The following GPR158 variants were observed in gnomAD, a reference collection of about 807,000 sequenced individuals.
GPR158 encodes metabotropic glycine receptor.
GPR158 carries 30 observed loss-of-function variants against 78.2 expected under a neutral mutation model. That is an observed-to-expected ratio of 0.38 (90% CI 0.29 to 0.52). GPR158 has a LOEUF of 0.52. GPR158 is among the 20% of genes least tolerant of loss of function. The pLI, the probability that GPR158 is intolerant of heterozygous loss-of-function variation, is 0.83. For synonymous variants in GPR158, 581 were observed against 591.1 expected (o/e 0.98, Z 0.25); for missense variants, 1,463 against 1,523.5 (o/e 0.96, Z 0.66).
intron 8 of GPR158, among the ~76,000 whole-genome samples, 190 bp downstream of exon 8, chr10:25,589,335 G>A (rs751077192): frequency 3.3e-5 from 5 of 152,032 alleles, no homozygotes; most frequent in African/African-American, 9.7e-5. Flanking sequence ...TAGTTCCTTC[G>A]GCTGTGTTGT....
intron 2 of GPR158, among the ~76,000 whole-genome samples, chr10:25,356,293 C>T (rs1855550539): frequency 6.6e-6 from 1 of 152,022 alleles, no homozygotes; most frequent in Non-Finnish European, 1.5e-5. Flanking sequence ...CTGATAATAA[C>T]CTCAGTGCTG....
At chr10:25,498,328 T>A (rs1835910347) in intron 5 of GPR158, among the ~76,000 whole-genome samples, 1 of 152,206 alleles carries the variant, frequency 6.6e-6, no homozygotes, top group African/African-American at 2.4e-5. Flanking sequence ...ATGTTGAGAA[T>A]TTTAAGGGAA....
At chr10:25,267,652 A>T (rs1854060480) in intron 2 of GPR158, among the ~76,000 whole-genome samples, 1 of 152,178 alleles carries the variant, frequency 6.6e-6, no homozygotes. Flanking sequence ...GCTTCACCAT[A>T]ATCTCACTAC....
chr10:25,304,157 C>A lies in GPR158; in HGVS notation c.1008+83000C>A, dbSNP rs188442926. The stretch of plus-strand genomic sequence containing the variant: ...TTGTTTTTGTTTTTTGTTTTTTTTT[C>A]GCCCAAAAGCTACTGTGTGGCAGAC... On this transcript the variant is annotated intron_variant, in intron 2 of 10. Transcript: ENST00000376351. Among the ~76,000 whole-genome samples the A allele has an allele frequency of 5.7e-3, 836 of 145,510 alleles. 11 individuals are homozygous for A. Among genetic ancestry groups the A allele is most frequent in the African/African-American group, 0.02 (774 of 38,662 alleles).
intron 2 of GPR158, among the ~76,000 whole-genome samples, chr10:25,226,061 G>C (rs1853368191): frequency 6.6e-6 from 1 of 151,908 alleles, no homozygotes; most frequent in Non-Finnish European, 1.5e-5. Flanking sequence ...CTATGTGTCA[G>C]TTCCATCTTG....
rs908101213 is a variant in GPR158 at position 25,468,329 on chromosome 10, A to C, written c.1404+1610A>C. Among the ~76,000 whole-genome samples the C allele has an allele frequency of 1.8e-4, 28 of 152,080 alleles. 1 individual carries two copies. The highest frequency in any genetic ancestry group is 1.6e-3 in the Admixed American group (24 of 15,268). On this transcript the variant is annotated intron_variant, in intron 5 of 10. Coordinates refer to ENST00000376351, the MANE Select transcript of GPR158 (RefSeq NM_020752.3). ...CTGGCTATCTGCCTACTCTAACGCA[A>C]ATTCTTTACAGGTATTTAAATCCTG...
At position 25,348,523 on chromosome 10, in the gene GPR158, C is replaced by A. The variant is rs139773985; in HGVS notation, c.1009-47388C>A. On this transcript the variant is annotated intron_variant, in intron 2 of 10. Coordinates refer to ENST00000376351, the MANE Select transcript of GPR158 (RefSeq NM_020752.3). ...TAATATTAATAGCACTAAGAAGCTA[C>A]AAATAGTACACTGGTGTCAAAAGTT... 6.4e-3 allele frequency among the ~76,000 whole-genome samples: 965 copies of A among 151,682 alleles called. 9 individuals carry two copies. Among genetic ancestry groups the A allele is most frequent in the African/African-American group, 0.022 (918 of 41,398 alleles).
intron 2 of GPR158, among the ~76,000 whole-genome samples, chr10:25,315,619 A>G (rs1854835822): frequency 7.1e-6 from 1 of 140,732 alleles, no homozygotes; most frequent in African/African-American, 3.2e-5. Context: ...TCTGTAATTT[A>G]TATTGTTATA....
chr10:25,453,341 A>G (rs945739908), intron 4 of GPR158, among the ~76,000 whole-genome samples: 8 of 152,114 alleles, frequency 5.3e-5, no homozygotes, highest in African/African-American at 1.9e-4. Context: ...CATTCATCCC[A>G]CCAGTATGCA....
intron 5 of GPR158, among the ~76,000 whole-genome samples, chr10:25,534,608 G>T (rs1232119357): frequency 6.8e-6 from 1 of 148,000 alleles, no homozygotes; most frequent in Admixed American, 6.7e-5. Flanking sequence ...AAAAAAATTA[G>T]CTGGGTGTGG....
intron 4 of GPR158, among the ~76,000 whole-genome samples, chr10:25,433,576 C>CGT (rs1454432298): frequency 1.7e-5 from 2 of 116,108 alleles, no homozygotes; most frequent in Middle Eastern, 4.5e-3. Flanking sequence ...TGTGTGCGCG[C>CGT]GCGCGTGCGC....
chr10:25,252,046 C>T (rs905961309), intron 2 of GPR158, among the ~76,000 whole-genome samples: 11 of 151,684 alleles, frequency 7.3e-5, no homozygotes, highest in African/African-American at 1.2e-4. Flanking sequence ...CTTCCCTTCT[C>T]GCTTCATTTC....
chr10:25,316,856 T>C (rs1854858350), intron 2 of GPR158, among the ~76,000 whole-genome samples: 1 of 151,674 alleles, frequency 6.6e-6, no homozygotes, highest in Non-Finnish European at 1.5e-5. Context: ...TAACATTCTT[T>C]TGGTATATAT....
At chr10:25,333,004 G>A (rs1437096705) in intron 2 of GPR158, among the ~76,000 whole-genome samples, 1 of 152,052 alleles carries the variant, frequency 6.6e-6, no homozygotes, top group Non-Finnish European at 1.5e-5. Flanking sequence ...AGGATGAGCT[G>A]GGCATTTGGG....
Position 25,176,343 on chromosome 10 carries a change from G to T in GPR158, c.902+21G>T, listed in dbSNP as rs1852533147. On this transcript the variant is annotated intron_variant, in intron 1 of 10. Coordinates refer to ENST00000376351, the MANE Select transcript of GPR158 (RefSeq NM_020752.3). The surrounding 1 kb of genome is among the most constrained non-coding windows in gnomAD (Gnocchi z 6.3). Reference sequence around the variant, plus strand: ...TTCAGGTAGGGAGGGCCGGGGGGCAGGGGGGAAGGCAAAAGCGAAGCTTTC... The same window carrying T: ...TTCAGGTAGGGAGGGCCGGGGGGCATGGGGGAAGGCAAAAGCGAAGCTTTC... The T allele has an allele frequency of 6.5e-7, 1 of 1,528,300 alleles. No homozygotes were observed. The highest frequency in any genetic ancestry group is 8.8e-7 in the Non-Finnish European group (1 of 1,133,196). The allele number at this position is 1,528,300 out of a possible 1,614,324, so 94.7% of individuals were successfully genotyped here.
chr10:25,251,138 C>T (rs1853791338), intron 2 of GPR158, among the ~76,000 whole-genome samples: 1 of 152,090 alleles, frequency 6.6e-6, no homozygotes, highest in African/African-American at 2.4e-5. Flanking sequence ...AATGCAACCC[C>T]TGCCTTTTTT....
chr10:25,437,934 A>C (rs372276056), intron 4 of GPR158, among the ~76,000 whole-genome samples: 1 of 152,204 alleles, frequency 6.6e-6, no homozygotes, highest in East Asian at 1.9e-4. Flanking sequence ...AAAGGAGAGA[A>C]TAACAGGTTG....
At chr10:25,274,309 A>G (rs1180732533) in intron 2 of GPR158, among the ~76,000 whole-genome samples, 1 of 152,220 alleles carries the variant, frequency 6.6e-6, no homozygotes, top group Non-Finnish European at 1.5e-5. Flanking sequence ...ATCACATCCT[A>G]TATAACACAT....
chr10:25,359,755 A>T (rs1265218976), intron 2 of GPR158, among the ~76,000 whole-genome samples: 1 of 152,186 alleles, frequency 6.6e-6, no homozygotes, highest in Non-Finnish European at 1.5e-5. Context: ...ATGATTTATT[A>T]TAATCCTTTG....
Sources: allele counts gnomAD v4.1 joint callset (sites outside exome capture counted in the v4.1 genomes callset), GRCh38; gene constraint gnomAD v4.1.1; non-coding constraint Gnocchi (gnomAD v3.1); transcripts MANE v1.5; gene names NCBI Gene and HGNC (gene_info 2026-07-23, HGNC 2026-07-21).